CCNJL: variants seen among roughly 807,000 people sequenced by gnomAD.
CCNJL encodes the protein cyclin J like.
Under a neutral mutation model 33.4 loss-of-function variants are expected in CCNJL, and 33 were observed. That is an observed-to-expected ratio of 0.99 (90% confidence interval 0.75 to 1.32). The LOEUF (loss-of-function observed/expected upper bound fraction) is 1.32, where lower values mean the gene tolerates loss of function less well. Among genes scored for constraint, CCNJL ranks in the 40% most tolerant of loss-of-function variants. CCNJL has a pLI of 0.00. For synonymous variants in CCNJL, 227 were observed against 220.9 expected (o/e 1.03, Z -0.24); for missense variants, 512 against 499.7 (o/e 1.02, Z -0.23).
intron 1 of CCNJL, among the ~76,000 whole-genome samples, chr5:160,321,682 C>A (rs930956615): frequency 4.6e-5 from 7 of 152,170 alleles, no homozygotes; most frequent in African/African-American, 1.7e-4. Context: ...TGGCTCACGC[C>A]TGTAATCCCA....
chr5:160,339,203 G>T (rs931374811), intron 1 of CCNJL, among the ~76,000 whole-genome samples: 2 of 151,714 alleles, frequency 1.3e-5, no homozygotes, highest in Non-Finnish European at 2.9e-5. Context: ...TTTGAAGATA[G>T]AGCAATAAAA....
Position 160,298,284 on chromosome 5 carries a change from C to A in CCNJL, c.66+13574G>T, listed in dbSNP as rs573210586. Among the ~76,000 whole-genome samples, 10 of 152,140 alleles carry A rather than the reference C, an allele frequency of 6.6e-5. 1 individual carries two copies. The East Asian group carries it at 1.9e-3, about 29-fold the overall frequency. On this transcript the variant is annotated intron_variant, in intron 2 of 5. Transcript: ENST00000257536. ...CTGAGGCATGAGAATCGCTTGAATCCAGGAGGTGGAGGTTGCAGTGAGCGA... is the reference window on the plus strand; with the variant it reads ...CTGAGGCATGAGAATCGCTTGAATCAAGGAGGTGGAGGTTGCAGTGAGCGA...
chr5:160,271,977 C>G (rs1047542224), intron 3 of CCNJL, among the ~76,000 whole-genome samples: 3 of 152,184 alleles, frequency 2.0e-5, no homozygotes, highest in Non-Finnish European at 4.4e-5. Context: ...ATCAATAAAT[C>G]TCATGTTTTG....
rs771316396 is a variant in CCNJL at position 160,280,728 on chromosome 5, A to T, written c.77T>A (p.Leu26Gln). ...TGGGGAGTGGGCTCGGAAGGTGGGCAGCTTCAGTTCCTGGAGGACAGGCGG... is the reference window on the plus strand; with the variant it reads ...TGGGGAGTGGGCTCGGAAGGTGGGCTGCTTCAGTTCCTGGAGGACAGGCGG... ...HCTLREKELK[L>Q]PTFRAHSPLL... Residue 26 changes from leucine to glutamine, a missense_variant, in exon 3 of 6, where the codon CTG (leucine) becomes CAG (glutamine). Transcript: ENST00000257536. 3 of 1,603,732 alleles carry T rather than the reference A, an allele frequency of 1.9e-6. No individual in the cohort carries two copies. Among genetic ancestry groups the T allele is most frequent in the Non-Finnish European group, 2.6e-6 (3 of 1,175,312 alleles).
chr5:160,249,770 AAAT>A lies in CCNJL; in HGVS notation c.*3605_*3607del, dbSNP rs1760757035. On this transcript the variant is annotated 3_prime_UTR_variant, in exon 6 of 6. Coordinates refer to ENST00000257536, the MANE Select transcript of CCNJL (RefSeq NM_001308173.3). ...AGAGTGAGACCCTGTTTCAAAAAATAAATAAATAAATAAATAAATAAATAAATA... is the reference window on the plus strand; with the variant it reads ...AGAGTGAGACCCTGTTTCAAAAAATAAAATAAATAAATAAATAAATAAATA... 15 of 83,074 alleles carry A rather than the reference AAAT, an allele frequency of 1.8e-4. No individual in the cohort carries two copies. Among genetic ancestry groups the A allele is most frequent in the Admixed American group, 1.2e-3 (12 of 9,680 alleles). The allele number at this position is 83,074 out of a possible 1,614,324, so 5.1% of individuals were successfully genotyped here.
At chr5:160,305,707 T>G (rs1057142786) in intron 2 of CCNJL, among the ~76,000 whole-genome samples, 4 of 152,254 alleles carry the variant, frequency 2.6e-5, no homozygotes, top group African/African-American at 9.6e-5. Flanking sequence ...CAAGCTTTGA[T>G]ACAATCCGCG....
intron 3 of CCNJL, among the ~76,000 whole-genome samples, chr5:160,279,904 G>A (rs765452392): frequency 2.6e-5 from 4 of 152,198 alleles, no homozygotes; most frequent in Admixed American, 6.5e-5. Flanking sequence ...GAGTAGCAGC[G>A]AATTAACACA....
intron 3 of CCNJL, among the ~76,000 whole-genome samples, chr5:160,263,767 C>T (rs2113264437): frequency 6.6e-6 from 1 of 152,306 alleles, no homozygotes; most frequent in East Asian, 1.9e-4. Context: ...TGTGAATATC[C>T]TGTTTCTCAA....
intron 4 of CCNJL, among the ~76,000 whole-genome samples, chr5:160,256,622 T>C (rs537819470): frequency 9.9e-5 from 15 of 152,268 alleles, no homozygotes; most frequent in African/African-American, 3.4e-4. Context: ...TTGTCTTAAA[T>C]TGTTCATGAT....
intron 1 of CCNJL, among the ~76,000 whole-genome samples, chr5:160,330,974 C>T (rs1056306743): frequency 5.9e-5 from 9 of 152,098 alleles, no homozygotes; most frequent in Admixed American, 2.0e-4. Flanking sequence ...TCTTAATTCT[C>T]AGTGTTTTCA....
chr5:160,322,618 T>C (rs991811609), intron 1 of CCNJL, among the ~76,000 whole-genome samples: 3 of 152,308 alleles, frequency 2.0e-5, no homozygotes, highest in Admixed American at 6.5e-5. Flanking sequence ...CCTTTAAAAA[T>C]GTCCCTCGGC....
chr5:160,320,869 C>CTT (rs59341829), intron 1 of CCNJL, among the ~76,000 whole-genome samples: 172 of 120,004 alleles, frequency 1.4e-3, no homozygotes, highest in African/African-American at 4.9e-3. Context: ...TTCTTTCTTT[C>CTT]TCTCTTTCTT....
At chr5:160,332,077 A>C (rs76332600) in intron 1 of CCNJL, among the ~76,000 whole-genome samples, 4,403 of 152,072 alleles carry the variant, frequency 0.029, 94 homozygotes, top group African/African-American at 0.058. Context: ...ATTTCATGCC[A>C]TCTCTTCTCC....
At chr5:160,265,978 G>A (rs762093296) in intron 3 of CCNJL, among the ~76,000 whole-genome samples, 9 of 152,182 alleles carry the variant, frequency 5.9e-5, no homozygotes, top group Non-Finnish European at 1.0e-4. Flanking sequence ...ATCTGAGAAT[G>A]AGAACCAGAC....
intron 2 of CCNJL, among the ~76,000 whole-genome samples, chr5:160,299,077 C>G (rs1050254653): frequency 4.6e-5 from 7 of 152,062 alleles, no homozygotes; most frequent in Admixed American, 3.9e-4. Flanking sequence ...CTCCCGTGCT[C>G]AAGCAATCCT....
Position 160,321,074 on chromosome 5 carries a change from CTTT to C in CCNJL, n.207-5572_207-5570del, listed in dbSNP as rs1561812910. ...TCTTTCTTTCTTTCTTTCTTTCTTT[CTTT>C]CTTTCTTTCTTTCCTTCTCTCTTTC... On this transcript the variant is annotated intron_variant and non_coding_transcript_variant, in intron 1 of 7. Coordinates refer to the CCNJL transcript ENST00000377503. Among the ~76,000 whole-genome samples the C allele has an allele frequency of 8.9e-3, 995 of 112,146 alleles. 30 individuals carry two copies. Among genetic ancestry groups the C allele is most frequent in the African/African-American group, 0.031 (609 of 19,434 alleles). 73.6% of individuals were successfully genotyped at this position (112,146 alleles called of 152,430 possible).
At chr5:160,255,401 T>C (rs958251129) in intron 5 of CCNJL, 148 bp downstream of exon 5, 12 of 629,760 alleles carry the variant, frequency 1.9e-5, no homozygotes, top group African/African-American at 1.9e-4. Flanking sequence ...CTACCAGGAG[T>C]CACCATGGCC....
intron 1 of CCNJL, among the ~76,000 whole-genome samples, chr5:160,329,566 A>T (rs865915112): frequency 6.6e-6 from 1 of 151,886 alleles, no homozygotes; most frequent in African/African-American, 2.4e-5. Context: ...AGCCAGGATG[A>T]TCTCGATCTC....
chr5:160,253,388 A>T lies in CCNJL; in HGVS notation c.1154T>A (p.Phe385Tyr), dbSNP rs758595466. The change falls in exon 6 of 6, where the codon TTT becomes TAT. Residue 385 changes from phenylalanine to tyrosine, a missense_variant. Coordinates refer to ENST00000257536, the MANE Select transcript of CCNJL (RefSeq NM_001308173.3). Reference sequence around the variant, plus strand: ...AGGTCTGGAGGTGGCCTATCTGTCAAAGCAGCCGGTGGGGAACATGTGGCT... The same window carrying T: ...AGGTCTGGAGGTGGCCTATCTGTCATAGCAGCCGGTGGGGAACATGTGGCT... ...SGSHMFPTGC[F>Y]DR is the part of the protein sequence containing the mutation. 6.3e-7 allele frequency: 1 copy of T among 1,578,186 alleles called. No individual in the cohort carries two copies. Among genetic ancestry groups the T allele is most frequent in the Admixed American group, 1.7e-5 (1 of 58,248 alleles).
Sources: gnomAD v4.1 joint callset for allele counts (sites outside exome capture counted in the v4.1 genomes callset) on GRCh38, gnomAD v4.1.1 for gene constraint, MANE v1.5 for transcripts, NCBI Gene and HGNC (gene_info 2026-07-23, HGNC 2026-07-21) for gene names.